Variants in HS3ST1 observed in about 807,000 individuals in gnomAD.
HS3ST1 encodes the protein heparan sulfate-glucosamine 3-sulfotransferase 1.
Under a neutral mutation model 20.7 loss-of-function variants are expected in HS3ST1, and 8 were observed. That is an observed-to-expected ratio of 0.39 (90% CI 0.23 to 0.70). The LOEUF is 0.70. Among genes scored for constraint, HS3ST1 ranks in the 30% least tolerant of loss-of-function variants. The probability of loss-of-function intolerance (pLI) is 0.46; values close to 1 mark genes in which losing one functional copy is unlikely to be tolerated. For missense variants in HS3ST1, 436 were observed against 423.4 expected, an observed-to-expected ratio of 1.03 and a Z score of -0.26; for synonymous variants, 205 against 190.4, an observed-to-expected ratio of 1.08 and a Z score of -0.63.
chr4:11,407,762 C>G (rs1341405129), intron 1 of HS3ST1, among the ~76,000 whole-genome samples: 2 of 152,318 alleles, frequency 1.3e-5, no homozygotes, highest in East Asian at 3.9e-4. Context: ...CATATGCACG[C>G]AAGTCACTTG....
chr4:11,421,583 A>G (rs575272290), intron 1 of HS3ST1, among the ~76,000 whole-genome samples: 1 of 152,318 alleles, frequency 6.6e-6, no homozygotes, highest in South Asian at 2.1e-4. Context: ...TACCCTCCTA[A>G]ACTAAAGAGT....
intron 1 of HS3ST1, among the ~76,000 whole-genome samples, chr4:11,422,988 A>T (rs770447905): frequency 7.8e-6 from 1 of 128,194 alleles, no homozygotes; most frequent in Non-Finnish European, 1.6e-5. Flanking sequence ...ACGCCACTGC[A>T]CTCCAGCCAG....
At chr4:11,405,654 G>A (rs1357508376) in intron 1 of HS3ST1, among the ~76,000 whole-genome samples, 1 of 152,082 alleles carries the variant, frequency 6.6e-6, no homozygotes, top group Non-Finnish European at 1.5e-5. Context: ...TTAAGGGTTT[G>A]AAACTTCTGT....
chr4:11,393,452 G>A lies in HS3ST1; in HGVS notation c.*5630C>T, dbSNP rs1212694719. ...TCTAATAACTCCGTGGGTTGATCAC[G>A]TTATACATGTAAAATACAGAGAGAA... On this transcript the variant is annotated 3_prime_UTR_variant, in exon 2 of 2. Transcript: ENST00000002596. 3.3e-5 allele frequency: 5 copies of A among 152,140 alleles called. No individual in the cohort carries two copies. The highest frequency in any genetic ancestry group is 3.8e-4 in the East Asian group (2 of 5,204). The allele number at this position is 152,140 out of a possible 1,614,324, so 9.4% of individuals were successfully genotyped here.
intron 1 of HS3ST1, among the ~76,000 whole-genome samples, chr4:11,423,524 T>G (rs1205082135): frequency 6.6e-6 from 1 of 152,212 alleles, no homozygotes; most frequent in Non-Finnish European, 1.5e-5. Flanking sequence ...CACATCACTA[T>G]CTAACTAGGA....
At chr4:11,400,189 T>A in intron 1 of HS3ST1, 76 bp from the exon 2 acceptor site, 1 of 1,259,486 alleles carries the variant, frequency 7.9e-7, no homozygotes. Flanking sequence ...GTAGCCACTC[T>A]GTAGTGAGGC....
chr4:11,419,827 C>T (rs1255886023), intron 1 of HS3ST1, among the ~76,000 whole-genome samples: 1 of 152,092 alleles, frequency 6.6e-6, no homozygotes, highest in East Asian at 1.9e-4. Flanking sequence ...TCATTAATGG[C>T]ATCCTTTAAA....
At chr4:11,416,349 G>C (rs1718781162) in intron 1 of HS3ST1, among the ~76,000 whole-genome samples, 2 of 152,140 alleles carry the variant, frequency 1.3e-5, no homozygotes, top group Admixed American at 6.5e-5. Flanking sequence ...GACTAGGCAC[G>C]AGAGGTGTGA....
intron 1 of HS3ST1, among the ~76,000 whole-genome samples, chr4:11,408,690 C>G (rs554269026): frequency 6.6e-6 from 1 of 152,244 alleles, no homozygotes; most frequent in Non-Finnish European, 1.5e-5. Flanking sequence ...CAGAAACACA[C>G]TGGCTCAGGC....
At chr4:11,402,846 T>G in intron 1 of HS3ST1, among the ~76,000 whole-genome samples, 1 of 152,242 alleles carries the variant, frequency 6.6e-6, no homozygotes, top group East Asian at 1.9e-4. Context: ...CTGAGGTTTC[T>G]TTCCTGAAGG....
At chr4:11,400,225 A>T (rs1718286717) in intron 1 of HS3ST1, 112 bp from the exon 2 acceptor site, 1 of 899,566 alleles carries the variant, frequency 1.1e-6, no homozygotes, top group African/African-American at 1.7e-5. Flanking sequence ...CAGGACTCTC[A>T]GTTTCTTATC....
intron 1 of HS3ST1, among the ~76,000 whole-genome samples, chr4:11,415,134 C>G (rs17488994): frequency 3.3e-5 from 5 of 152,088 alleles, no homozygotes; most frequent in Non-Finnish European, 7.4e-5. Context: ...GAGGAAAGTT[C>G]AGGGGTCTGG....
chr4:11,399,354 C>T lies in HS3ST1; in HGVS notation c.652G>A (p.Asp218Asn), dbSNP rs755281032. Residue 218 changes from aspartate (D) to asparagine (N), a missense_variant, in exon 2 of 2, where the codon GAC becomes AAC. Asp to Asn is a conservative substitution (Grantham distance 23). Transcript: ENST00000002596. The surrounding 1 kb of genome is among the most constrained non-coding windows in gnomAD (Gnocchi z 5.1). ...PLRHIHIVDG[D>N]RLIRDPFPEI... is the part of the protein sequence containing the mutation. ...GGGAAGGGGTCCCTGATGAGGCGGT[C>T]GCCGTCCACAATGTGGATGTGGCGC... The T allele has an allele frequency of 2.5e-6, 4 of 1,613,890 alleles. No individual in the cohort carries two copies. Among genetic ancestry groups the T allele is most frequent in the Non-Finnish European group, 3.4e-6 (4 of 1,180,006 alleles).
At position 11,397,704 on chromosome 4, in the gene HS3ST1, T is replaced by C. The variant is rs530588797; in HGVS notation, c.*1378A>G. On this transcript the variant is annotated 3_prime_UTR_variant, in exon 2 of 2. Transcript: ENST00000002596. ...AATAATATCTGCATCCTGGGGTTGC[T>C]TGGAGAAATTTCAATGAGTTCTTAA... 6.6e-6 allele frequency: 1 copy of C among 152,324 alleles called. No individual in the cohort carries two copies. The highest frequency in any genetic ancestry group is 1.5e-5 in the Non-Finnish European group (1 of 68,028). 9.4% of individuals were successfully genotyped at this position (152,324 alleles called of 1,614,324 possible).
chr4:11,427,846 C>T (rs1719100115), intron 1 of HS3ST1, among the ~76,000 whole-genome samples: 2 of 152,232 alleles, frequency 1.3e-5, no homozygotes, highest in South Asian at 2.1e-4. Flanking sequence ...CGCCTACGTT[C>T]TGGGTCTGTC....
rs970442994 is a variant in HS3ST1, at chr4:11,426,372, C to CG, written c.-109+2326_-109+2327insC. On this transcript the variant is annotated intron_variant, in intron 1 of 1. Transcript: ENST00000002596. Reference sequence around the variant, plus strand: ...GCTTTTCCCTTCAGAGGCCCCCCCCCCAACCCTCACAAGATTTTTCCAGTA... The same window carrying CG: ...GCTTTTCCCTTCAGAGGCCCCCCCCCGCAACCCTCACAAGATTTTTCCAGTA... Among the ~76,000 whole-genome samples the CG allele has an allele frequency of 6.7e-4, 101 of 151,452 alleles. 1 individual carries two copies. The highest frequency in any genetic ancestry group is 2.2e-3 in the African/African-American group (89 of 41,084).
At chr4:11,427,514 AT>A (rs1369295590) in intron 1 of HS3ST1, among the ~76,000 whole-genome samples, 1 of 152,178 alleles carries the variant, frequency 6.6e-6, no homozygotes, top group African/African-American at 2.4e-5. Context: ...CCTCCCTAGA[AT>A]CCCCCCAAAA....
intron 1 of HS3ST1, 106 bp from the exon 2 acceptor site, chr4:11,400,219 A>C: frequency 1.1e-6 from 1 of 948,628 alleles, no homozygotes; most frequent in Non-Finnish European, 1.5e-6. Context: ...CCTCCCCAGG[A>C]CTCTCAGTTT....
At chr4:11,434,261 T>A (rs375526981), upstream of HS3ST1, among the ~76,000 whole-genome samples, 1 of 152,214 alleles carries the variant, frequency 6.6e-6, no homozygotes, top group African/African-American at 2.4e-5. Flanking sequence ...TTTTGTAGAA[T>A]GCTTTGAAGC....
Sources: gnomAD v4.1 joint callset for allele counts (sites outside exome capture counted in the v4.1 genomes callset) on GRCh38, gnomAD v4.1.1 for gene constraint, Gnocchi (gnomAD v3.1) non-coding constraint, MANE v1.5 for transcripts, NCBI Gene and HGNC (gene_info 2026-07-23, HGNC 2026-07-21) for gene names.